Variants in MAP4 observed in about 807,000 individuals in gnomAD.
MAP4 encodes the protein microtubule-associated protein 4.
In MAP4, 76 loss-of-function variants were observed where a neutral mutation model predicts 170.2. The observed-to-expected ratio is 0.45, with a 90% CI of 0.37 to 0.54. MAP4 has a LOEUF of 0.54. MAP4 is among the 20% of genes least tolerant of loss of function. The probability of loss-of-function intolerance (pLI) is 0.00; values close to 1 mark genes in which losing one functional copy is unlikely to be tolerated. For missense variants in MAP4, 2,506 were observed against 2,748.0 expected, an observed-to-expected ratio of 0.91 and a Z score of 1.97; for synonymous variants, 909 against 994.5, an observed-to-expected ratio of 0.91 and a Z score of 1.62.
chr3:47,861,934 G>A (rs35943823), intron 17 of MAP4, among the ~76,000 whole-genome samples: 31,347 of 151,518 alleles, frequency 0.21, 3,512 homozygotes, highest in Middle Eastern at 0.28. Context: ...GGCCGAGGTG[G>A]GTGGATCACA....
intron 1 of MAP4, among the ~76,000 whole-genome samples, chr3:48,054,670 T>C (rs1358898374): frequency 1.9e-4 from 27 of 139,978 alleles, no homozygotes; most frequent in Admixed American, 1.6e-3. Flanking sequence ...TAGCTGGCCA[T>C]GGTGGCGGGC....
intron 10 of MAP4, among the ~76,000 whole-genome samples, chr3:47,894,873 A>C (rs2100025949): frequency 6.6e-6 from 1 of 152,028 alleles, no homozygotes; most frequent in South Asian, 2.1e-4. Flanking sequence ...AAAGAGTACA[A>C]AAATTTAGGT....
chr3:47,921,509 T>C (rs868776263), intron 5 of MAP4, among the ~76,000 whole-genome samples: 3 of 152,076 alleles, frequency 2.0e-5, no homozygotes, highest in African/African-American at 4.8e-5. Context: ...TTTTCCTTCA[T>C]CTTCTCACCT....
intron 3 of MAP4, chr3:47,975,181 T>C (rs538145826): frequency 3.3e-6 from 4 of 1,222,338 alleles, no homozygotes; most frequent in South Asian, 6.3e-5. Context: ...AGATAACCTT[T>C]GTAAAAATTA....
Position 47,916,198 on chromosome 3 carries a change from G to C in MAP4, c.1629C>G (p.Ala543=), listed in dbSNP as rs2100038890. The C allele has an allele frequency of 1.9e-6, 3 of 1,614,184 alleles. No individual in the cohort carries two copies. The highest frequency in any genetic ancestry group is 2.5e-6 in the Non-Finnish European group (3 of 1,180,034). ...GGGCTGGGACCTGATCCTCAGTCAGGGCCACCTCCATTTCTGGAGGCAGAC... is the reference window on the plus strand; with the variant it reads ...GGGCTGGGACCTGATCCTCAGTCAGCGCCACCTCCATTTCTGGAGGCAGAC... ...NVCLPPEMEV[A]LTEDQVPALK... Residue 543 remains alanine, a synonymous_variant, in exon 7 of 21, where the codon GCC becomes GCG. Transcript: ENST00000683076.
chr3:48,036,628 T>C (rs1287263343), intron 1 of MAP4, among the ~76,000 whole-genome samples: 2 of 152,202 alleles, frequency 1.3e-5, no homozygotes, highest in African/African-American at 4.8e-5. Flanking sequence ...CTGTTCTTTC[T>C]ATGTAAACAG....
chr3:47,979,776 G>A (rs1201130129), intron 2 of MAP4, among the ~76,000 whole-genome samples: 1 of 151,832 alleles, frequency 6.6e-6, no homozygotes, highest in African/African-American at 2.4e-5. Flanking sequence ...TCTTAAATAA[G>A]GTAATATGAG....
chr3:47,981,372 T>C (rs1181072812), intron 2 of MAP4, among the ~76,000 whole-genome samples: 2 of 151,614 alleles, frequency 1.3e-5, no homozygotes, highest in Non-Finnish European at 2.9e-5. Flanking sequence ...CTGGGCAACA[T>C]AGTGTGACCC....
intron 3 of MAP4, among the ~76,000 whole-genome samples, chr3:47,951,292 A>G (rs1288662640): frequency 6.6e-6 from 1 of 151,928 alleles, no homozygotes; most frequent in Non-Finnish European, 1.5e-5. Context: ...AAAGTATCTC[A>G]CTTTTTAAAA....
At chr3:48,028,501 A>G (rs2100114231) in intron 1 of MAP4, among the ~76,000 whole-genome samples, 1 of 152,146 alleles carries the variant, frequency 6.6e-6, no homozygotes, top group Admixed American at 6.6e-5. Context: ...ATGGCTGGGC[A>G]CGGTGGCTCA....
chr3:47,874,676 A>G (rs915938581), intron 12 of MAP4, among the ~76,000 whole-genome samples: 1 of 152,076 alleles, frequency 6.6e-6, no homozygotes, highest in African/African-American at 2.4e-5. Flanking sequence ...TCTTATTCAA[A>G]CCTATTGTTT....
chr3:48,033,327 C>A (rs953673044), intron 1 of MAP4, among the ~76,000 whole-genome samples: 1 of 152,112 alleles, frequency 6.6e-6, no homozygotes, highest in Non-Finnish European at 1.5e-5. Flanking sequence ...AAATGGCATG[C>A]CCTCCTCATG....
At chr3:47,863,310 A>T (rs2071604695) in intron 17 of MAP4, among the ~76,000 whole-genome samples, 1 of 152,090 alleles carries the variant, frequency 6.6e-6, no homozygotes, top group Non-Finnish European at 1.5e-5. Context: ...ACTGAGCCTC[A>T]CTCACTTTAA....
At chr3:47,863,937 T>TGGGGGG (rs1553728778) in intron 17 of MAP4, among the ~76,000 whole-genome samples, 3 of 138,352 alleles carry the variant, frequency 2.2e-5, no homozygotes, top group Non-Finnish European at 4.8e-5. Flanking sequence ...TGTGTGTGTG[T>TGGGGGG]GGGGAGTGGT....
rs762892941 is a variant in MAP4, at chr3:47,869,321, C to G, written c.6301G>C (p.Val2101Leu). 1 of 1,611,114 alleles carries G rather than the reference C, an allele frequency of 6.2e-7. No homozygotes were observed. Among genetic ancestry groups the G allele is most frequent in the Non-Finnish European group, 8.5e-7 (1 of 1,177,308 alleles). The stretch of plus-strand genomic sequence containing the variant: ...GCAGCTGCCTCTGTTTTTTTCTCTA[C>G]TTTGGCCTGGATGGAGATAAAGGGA... The part of the protein sequence containing the change: ...KHQPGGGRAK[V>L]EKKTEAAATT... Residue 2101 changes from valine to leucine, a missense_variant, in exon 16 of 21, where the codon GTA (valine) becomes CTA (leucine). Physicochemically the swap from Val to Leu is conservative, Grantham distance 32. Transcript: ENST00000683076.
At chr3:47,862,317 T>C (rs1454247203) in intron 17 of MAP4, among the ~76,000 whole-genome samples, 20 of 126,216 alleles carry the variant, frequency 1.6e-4, no homozygotes, top group Admixed American at 1.1e-4. Flanking sequence ...TATAGTTTCA[T>C]GCCTGAGGGA....
rs999391497 is a variant in MAP4 at position 47,912,355 on chromosome 3, C to T, written c.2066G>A (p.Arg689Lys). 6.5e-7 allele frequency: 1 copy of T among 1,535,444 alleles called. No individual in the cohort carries two copies. The highest frequency in any genetic ancestry group is 2.4e-5 in the East Asian group (1 of 40,902). The part of the protein sequence containing the change: ...AKQVCRPSDR[R>K]STRPKPARVP... ...CCTGGCAGGCTTGGGCCGGGTTGAC[C>T]TGCGGTCACTGGGTCTGCAAACTTG... Residue 689 changes from arginine to lysine, a missense_variant, in exon 9 of 21, where the codon AGG becomes AAG. Arg to Lys is a conservative substitution (Grantham distance 26). This residue lies in a region of MAP4 where 2,008 missense variants were observed against 2,206.0 expected (regional missense o/e 0.91). Transcript: ENST00000683076.
chr3:47,926,968 C>T (rs963131263), intron 4 of MAP4, among the ~76,000 whole-genome samples: 1 of 152,162 alleles, frequency 6.6e-6, no homozygotes, highest in South Asian at 2.1e-4. Context: ...AGTTTGAGAT[C>T]AGCCTGGCCA....
intron 3 of MAP4, 144 bp downstream of exon 3, chr3:47,977,721 G>T: frequency 1.8e-6 from 1 of 564,472 alleles, no homozygotes. Flanking sequence ...CAATGTCCTG[G>T]GTTTAAATAC....
Sources: gnomAD v4.1 joint callset for allele counts (sites outside exome capture counted in the v4.1 genomes callset) on GRCh38, gnomAD v4.1.1 for gene constraint, gnomAD v4.1.1 regional missense constraint, MANE v1.5 for transcripts, NCBI Gene and HGNC (gene_info 2026-07-23, HGNC 2026-07-21) for gene names.